CCDC28A: variants seen among roughly 807,000 people sequenced by gnomAD.
CCDC28A encodes the protein coiled-coil domain containing 28A, also known as coiled-coil domain-containing protein 28A.
In CCDC28A, 24 loss-of-function variants were observed where a neutral mutation model predicts 22.1. The ratio of observed to expected loss-of-function variants is 1.09; its 90% CI spans 0.79 to 1.53. CCDC28A has a LOEUF of 1.53. Among genes scored for constraint, CCDC28A ranks in the 40% most tolerant of loss-of-function variants. The pLI, the probability that CCDC28A is intolerant of heterozygous loss-of-function variation, is 0.00. For missense variants in CCDC28A, 170 were observed against 210.7 expected (o/e 0.81, Z 1.20); for synonymous variants, 83 against 74.7 (o/e 1.11, Z -0.57).
chr6:138,789,522 TAAC>T (rs1775139170), intron 5 of CCDC28A, among the ~76,000 whole-genome samples: 1 of 152,214 alleles, frequency 6.6e-6, no homozygotes, highest in African/African-American at 2.4e-5. Context: ...AATTGTGCAG[TAAC>T]AACAATTAAG....
At chr6:138,786,499 C>T (rs1775095245) in intron 4 of CCDC28A, among the ~76,000 whole-genome samples, 1 of 152,156 alleles carries the variant, frequency 6.6e-6, no homozygotes, top group Admixed American at 6.5e-5. Flanking sequence ...GTTTTTCTCT[C>T]TTTTGAATAA....
intron 5 of CCDC28A, among the ~76,000 whole-genome samples, chr6:138,790,318 T>C (rs1344424455): frequency 1.3e-5 from 2 of 152,098 alleles, no homozygotes; most frequent in Non-Finnish European, 2.9e-5. Flanking sequence ...GTCCAGCTAA[T>C]TTTTGTATTT....
At chr6:138,777,042 A>G (rs959993501) in intron 2 of CCDC28A, among the ~76,000 whole-genome samples, 2 of 152,226 alleles carry the variant, frequency 1.3e-5, no homozygotes, top group Non-Finnish European at 2.9e-5. Context: ...ACTGTTACAT[A>G]TATGTGAGTA....
intron 2 of CCDC28A, among the ~76,000 whole-genome samples, chr6:138,777,213 G>T (rs955283826): frequency 1.3e-5 from 2 of 152,172 alleles, no homozygotes; most frequent in African/African-American, 2.4e-5. Context: ...TTCTGTAGCC[G>T]CTGGGTTTAC....
Position 138,785,263 on chromosome 6 carries a change from G to C in CCDC28A, c.359G>C (p.Arg120Pro). 17 of 1,613,442 alleles carry C rather than the reference G, an allele frequency of 1.1e-5. No individual in the cohort carries two copies. The highest frequency in any genetic ancestry group is 1.4e-5 in the Non-Finnish European group (16 of 1,179,454). The stretch of plus-strand genomic sequence containing the variant: ...TCCATTGAACAGATGGAACATGTTC[G>C]GGGAATGCAGGAGAAATTAGCTCGC... Reference protein sequence around the residue: ...ECSIEQMEHVRGMQEKLARLN... With the variant: ...ECSIEQMEHVPGMQEKLARLN... The change falls in exon 4 of 6, where the codon CGG (arginine) becomes CCG (proline). Residue 120 changes from arginine to proline, a missense_variant. Physicochemically the swap from Arg to Pro is moderately radical, Grantham distance 103. Transcript: ENST00000617445.
At position 138,789,656 on chromosome 6, in the gene CCDC28A, C is replaced by G. The variant is rs146706001; in HGVS notation, c.500+1268C>G. Among the ~76,000 whole-genome samples, 1,254 of 152,146 alleles carry G rather than the reference C, an allele frequency of 8.2e-3. 15 individuals are homozygous for G. The highest frequency in any genetic ancestry group is 0.029 in the African/African-American group (1,193 of 41,486). ...CCTGGCCAACATTGTGAACACCTCT[C>G]TTTACTAAAAATACAAAAATTAGCC... is the stretch of plus-strand genomic sequence containing the variant. On this transcript the variant is annotated intron_variant, in intron 5 of 5. Transcript: ENST00000617445.
At chr6:138,776,299 T>C in intron 2 of CCDC28A, 21 bp downstream of exon 2, 1 of 1,559,346 alleles carries the variant, frequency 6.4e-7, no homozygotes, top group Non-Finnish European at 8.8e-7. Flanking sequence ...TTATTTTACA[T>C]GTTCACAGTA....
chr6:138,792,474 A>T (rs1314641631), intron 5 of CCDC28A, among the ~76,000 whole-genome samples: 1 of 151,984 alleles, frequency 6.6e-6, no homozygotes, highest in Admixed American at 6.6e-5. Flanking sequence ...GTGAAGTATG[A>T]TCGTATTACT....
intron 4 of CCDC28A, among the ~76,000 whole-genome samples, chr6:138,787,957 CTTTTTTTTT>C (rs397886393): frequency 1.2e-5 from 1 of 85,310 alleles, no homozygotes; most frequent in Non-Finnish European, 2.3e-5. Context: ...TTACAGAAAG[CTTTTTTTTT>C]TTTTTTTTTT....
Position 138,773,782 on chromosome 6 carries a change from G to A in CCDC28A, c.-163G>A. The A allele has an allele frequency of 1.2e-6, 2 of 1,613,518 alleles. No individual in the cohort carries two copies. The highest frequency in any genetic ancestry group is 1.7e-6 in the Non-Finnish European group (2 of 1,179,692). On this transcript the variant is annotated 5_prime_UTR_variant, in exon 1 of 6. Coordinates refer to ENST00000617445, the MANE Select transcript of CCDC28A (RefSeq NM_015439.3). ...TACGTCACTTCCGTAAACAAACGGAGCTGCGGAGGAGCGGGTCCCGGGATG... is the reference window on the plus strand; with the variant it reads ...TACGTCACTTCCGTAAACAAACGGAACTGCGGAGGAGCGGGTCCCGGGATG...
intron 2 of CCDC28A, among the ~76,000 whole-genome samples, chr6:138,779,356 A>G (rs535667743): frequency 2.6e-5 from 4 of 152,014 alleles, no homozygotes; most frequent in African/African-American, 9.6e-5. Flanking sequence ...TTACATGGTG[A>G]TTATGAATTT....
intron 4 of CCDC28A, among the ~76,000 whole-genome samples, chr6:138,787,007 AG>A (rs1302944934): frequency 6.6e-6 from 1 of 152,224 alleles, no homozygotes; most frequent in African/African-American, 2.4e-5. Flanking sequence ...TATAGTGAAA[AG>A]AACGCCGAAT....
chr6:138,786,161 A>G (rs561869171), intron 4 of CCDC28A, among the ~76,000 whole-genome samples: 3 of 152,252 alleles, frequency 2.0e-5, no homozygotes, highest in East Asian at 1.9e-4. Context: ...TTCTTCCTCT[A>G]TGCCAAGTGT....
intron 2 of CCDC28A, among the ~76,000 whole-genome samples, chr6:138,776,679 C>CAT (rs1323906566): frequency 2.0e-5 from 3 of 151,058 alleles, no homozygotes; most frequent in Non-Finnish European, 2.9e-5. Context: ...ATTTTACACA[C>CAT]ACACATATAT....
chr6:138,790,741 T>C (rs1191874246), intron 5 of CCDC28A, among the ~76,000 whole-genome samples: 1 of 152,224 alleles, frequency 6.6e-6, no homozygotes, highest in Non-Finnish European at 1.5e-5. Context: ...TCCAAGAATA[T>C]TTTTAAATGC....
chr6:138,783,484 C>G (rs113005524), intron 3 of CCDC28A, among the ~76,000 whole-genome samples: 145 of 148,098 alleles, frequency 9.8e-4, no homozygotes, highest in African/African-American at 3.5e-3. Context: ...TTCGCCCAGG[C>G]TGGAGTGCAG....
chr6:138,779,873 G>T lies in CCDC28A; in HGVS notation c.210G>T (p.Gln70His), dbSNP rs1774989987. The change falls in exon 3 of 6, where the codon CAG becomes CAT. Residue 70 changes from glutamine (Q) to histidine (H), a missense_variant. Coordinates refer to ENST00000617445, the MANE Select transcript of CCDC28A (RefSeq NM_015439.3). ...AGGGTGGAGAGGGCAAAGGCGCTCAGTCAACTCCGATCCAGCACTCCTTCC... is the reference window on the plus strand; with the variant it reads ...AGGGTGGAGAGGGCAAAGGCGCTCATTCAACTCCGATCCAGCACTCCTTCC... Reference protein sequence around the residue: ...KPQGGEGKGAQSTPIQHSFLT... With the variant: ...KPQGGEGKGAHSTPIQHSFLT... The T allele has an allele frequency of 6.2e-7, 1 of 1,613,822 alleles. No homozygotes were observed. Among genetic ancestry groups the T allele is most frequent in the African/African-American group, 1.3e-5 (1 of 74,908 alleles).
At chr6:138,782,216 C>T (rs1775032430) in intron 3 of CCDC28A, among the ~76,000 whole-genome samples, 1 of 152,188 alleles carries the variant, frequency 6.6e-6, no homozygotes, top group South Asian at 2.1e-4. Flanking sequence ...TGTTATCCTA[C>T]TGATTACTCT....
At chr6:138,780,985 C>T (rs1246921158) in intron 3 of CCDC28A, among the ~76,000 whole-genome samples, 1 of 152,022 alleles carries the variant, frequency 6.6e-6, no homozygotes, top group Non-Finnish European at 1.5e-5. Context: ...CATAAATGTC[C>T]ACATACATAT....
Sources: gnomAD v4.1 joint callset for allele counts (sites outside exome capture counted in the v4.1 genomes callset) on GRCh38, gnomAD v4.1.1 for gene constraint, MANE v1.5 for transcripts, NCBI Gene and HGNC (gene_info 2026-07-23, HGNC 2026-07-21) for gene names.